CLMN: variants seen among roughly 807,000 people sequenced by gnomAD.
The protein encoded by CLMN is calmin, also known as calmin (calponin-like, transmembrane).
Under a neutral mutation model 92.7 loss-of-function variants are expected in CLMN, and 57 were observed. The ratio of observed to expected loss-of-function variants is 0.61; its 90% CI spans 0.50 to 0.77. CLMN has a LOEUF of 0.77. Ranked by LOEUF, CLMN falls within the 30% of genes least tolerant of loss-of-function variation. The probability of loss-of-function intolerance (pLI) is 0.00; values close to 1 mark genes in which losing one functional copy is unlikely to be tolerated. For missense variants in CLMN, 1,158 were observed against 1,237.5 expected, an observed-to-expected ratio of 0.94 and a Z score of 0.96; for synonymous variants, 466 against 470.6, an observed-to-expected ratio of 0.99 and a Z score of 0.13.
rs574317845 is a variant in CLMN at position 95,216,928 on chromosome 14, C to T, written c.325-1195G>A. ...CCAGAAATCTGTATTTTAGTAAGTG[C>T]GCCAGGTGATTCCAGTGCATGCTCG... On this transcript the variant is annotated intron_variant, in intron 4 of 12. Coordinates refer to ENST00000298912, the MANE Select transcript of CLMN (RefSeq NM_024734.4). Among the ~76,000 whole-genome samples, 7 of 152,250 alleles carry T rather than the reference C, an allele frequency of 4.6e-5. No individual in the cohort carries two copies. In the East Asian group the frequency reaches 5.8e-4, roughly 13 times the overall value.
In CLMN at chr14:95,256,158, G is replaced by A. The variant is rs1057049286; in HGVS notation, c.83-26025C>T. Among the ~76,000 whole-genome samples, 1 of 152,142 alleles carries A rather than the reference G, an allele frequency of 6.6e-6. No homozygotes were observed. The highest frequency in any genetic ancestry group is 2.4e-5 in the African/African-American group (1 of 41,410). ...GGGCTACAGGGTAGTTACATGGGTG[G>A]GCATATGGGGTACAATGCCCCCACA... On this transcript the variant is annotated intron_variant, in intron 1 of 12. Transcript: ENST00000298912. The surrounding 1 kb of genome is among the most constrained non-coding windows in gnomAD (Gnocchi z 4.9).
At chr14:95,267,722 C>T (rs549710554) in intron 1 of CLMN, among the ~76,000 whole-genome samples, 2 of 152,202 alleles carry the variant, frequency 1.3e-5, no homozygotes, top group Non-Finnish European at 2.9e-5. Flanking sequence ...TCTACACTCT[C>T]ATATTTATTT....
chr14:95,266,417 T>C (rs8012168), intron 1 of CLMN, among the ~76,000 whole-genome samples: 19,251 of 151,928 alleles, frequency 0.13, 1,750 homozygotes, highest in African/African-American at 0.25. Flanking sequence ...GCAAACAATC[T>C]GAAAAAGAAA....
At chr14:95,204,518 A>C (rs906226603) in intron 8 of CLMN, 55 bp from the exon 9 acceptor site, 47 of 1,448,734 alleles carry the variant, frequency 3.2e-5, no homozygotes, top group Middle Eastern at 3.8e-4. Context: ...ACAACAACAA[A>C]AAAAAGCACA....
Position 95,189,866 on chromosome 14 carries a change from A to G in CLMN, c.*1698T>C, listed in dbSNP as rs186307199. 4 of 152,318 alleles carry G rather than the reference A, an allele frequency of 2.6e-5. No individual in the cohort carries two copies. Among genetic ancestry groups the G allele is most frequent in the African/African-American group, 7.2e-5 (3 of 41,574 alleles). The allele number at this position is 152,318 out of a possible 1,614,324, so 9.4% of individuals were successfully genotyped here. ...CTGAAATTCTTTCAGGAGGGGAGACAGACTATAATCAGACTGGTTTAGAGG... is the reference window on the plus strand; with the variant it reads ...CTGAAATTCTTTCAGGAGGGGAGACGGACTATAATCAGACTGGTTTAGAGG... On this transcript the variant is annotated 3_prime_UTR_variant, in exon 13 of 13. Coordinates refer to ENST00000298912, the MANE Select transcript of CLMN (RefSeq NM_024734.4).
intron 2 of CLMN, 28 bp from the exon 3 acceptor site, chr14:95,223,883 C>T: frequency 2.7e-6 from 4 of 1,485,524 alleles, no homozygotes; most frequent in Non-Finnish European, 3.7e-6. Flanking sequence ...AGAAAGTAGC[C>T]AATTAGCAAC....
At position 95,280,211 on chromosome 14, in the gene CLMN, T is replaced by C. The variant is rs572312986; in HGVS notation, c.82+39500A>G. 1.6e-4 allele frequency among the ~76,000 whole-genome samples: 24 copies of C among 152,316 alleles called. No homozygotes were observed. In the South Asian group the frequency reaches 2.7e-3, roughly 17 times the overall value. ...TTGGTCTGTGCTTTAACAAAAAAATTCTAAAGGGTTATAAACAGTTTTGAA... is the reference window on the plus strand; with the variant it reads ...TTGGTCTGTGCTTTAACAAAAAAATCCTAAAGGGTTATAAACAGTTTTGAA... On this transcript the variant is annotated intron_variant, in intron 1 of 12. Coordinates refer to ENST00000298912, the MANE Select transcript of CLMN (RefSeq NM_024734.4).
chr14:95,271,111 T>A (rs767155225), intron 1 of CLMN, among the ~76,000 whole-genome samples: 1 of 152,242 alleles, frequency 6.6e-6, no homozygotes, highest in Non-Finnish European at 1.5e-5. Context: ...GTATCTTCTA[T>A]GAAGAAATAT....
At chr14:95,265,285 C>T (rs2140709620) in intron 1 of CLMN, among the ~76,000 whole-genome samples, 1 of 152,114 alleles carries the variant, frequency 6.6e-6, no homozygotes, top group African/African-American at 2.4e-5. Context: ...AGCAGACGGC[C>T]CTCCATCAAA....
chr14:95,235,434 G>T (rs1001590237), intron 1 of CLMN, among the ~76,000 whole-genome samples: 1 of 152,182 alleles, frequency 6.6e-6, no homozygotes, highest in African/African-American at 2.4e-5. Flanking sequence ...GAATGACAAT[G>T]AGCACCTCAG....
At chr14:95,244,383 C>G (rs1313227466) in intron 1 of CLMN, among the ~76,000 whole-genome samples, 1 of 152,192 alleles carries the variant, frequency 6.6e-6, no homozygotes, top group African/African-American at 2.4e-5. Flanking sequence ...CTGTCACCCT[C>G]ACACTCCCAA....
At chr14:95,222,611 G>T (rs1897581876) in intron 3 of CLMN, 1 of 455,928 alleles carries the variant, frequency 2.2e-6, no homozygotes, top group Admixed American at 2.3e-5. Flanking sequence ...TGGCAATAAA[G>T]TGGGGAGCCT....
intron 1 of CLMN, among the ~76,000 whole-genome samples, chr14:95,245,234 TATATTATATATA>T (rs1898475245): frequency 2.9e-5 from 1 of 34,704 alleles, no homozygotes; most frequent in African/African-American, 1.8e-4. Flanking sequence ...ATTATATATA[TATATTATATATA>T]TATATATAAT....
chr14:95,239,693 A>G (rs1339903820), intron 1 of CLMN, among the ~76,000 whole-genome samples: 1 of 152,246 alleles, frequency 6.6e-6, no homozygotes, highest in Non-Finnish European at 1.5e-5. Context: ...ATCATTTATG[A>G]TCAGTAAATG....
At chr14:95,253,471 A>ATTTTATACG (rs1309303363) in intron 1 of CLMN, among the ~76,000 whole-genome samples, 1 of 152,088 alleles carries the variant, frequency 6.6e-6, no homozygotes, top group African/African-American at 2.4e-5. Context: ...AGGAAATGAC[A>ATTTTATACG]TCTTTAGCAT....
intron 1 of CLMN, among the ~76,000 whole-genome samples, chr14:95,243,559 T>TA (rs1441022619): frequency 6.6e-6 from 1 of 152,098 alleles, no homozygotes; most frequent in Non-Finnish European, 1.5e-5. Context: ...TAACCCCTAC[T>TA]AAAATTTTTC....
chr14:95,315,713 G>C (rs939479202), intron 1 of CLMN, among the ~76,000 whole-genome samples: 1 of 152,206 alleles, frequency 6.6e-6, no homozygotes, highest in African/African-American at 2.4e-5. Flanking sequence ...CAGAATTACA[G>C]CATCAAACGC....
chr14:95,294,375 C>T lies in CLMN; in HGVS notation c.82+25336G>A, dbSNP rs1157911529. On this transcript the variant is annotated intron_variant, in intron 1 of 12. Transcript: ENST00000298912. This position sits in a 1 kb window ranked among gnomAD's most constrained non-coding sequence, Gnocchi z 4.2. ...TTTCAGGACACAATCTCTTAGGGCA[C>T]CTCTGGAAGGAGAAGGGCTGGGGGC... is the stretch of plus-strand genomic sequence containing the variant. Among the ~76,000 whole-genome samples the T allele has an allele frequency of 6.6e-6, 1 of 152,192 alleles. No homozygotes were observed. Among genetic ancestry groups the T allele is most frequent in the Non-Finnish European group, 1.5e-5 (1 of 68,038 alleles).
At chr14:95,258,207 TGTG>T (rs1364055167) in intron 1 of CLMN, among the ~76,000 whole-genome samples, 2 of 151,800 alleles carry the variant, frequency 1.3e-5, no homozygotes, top group African/African-American at 4.8e-5. Context: ...GTGCATATGA[TGTG>T]GTGTGTGTGG....
Sources: gnomAD v4.1 joint callset for allele counts (sites outside exome capture counted in the v4.1 genomes callset) on GRCh38, gnomAD v4.1.1 for gene constraint, Gnocchi (gnomAD v3.1) non-coding constraint, MANE v1.5 for transcripts, NCBI Gene and HGNC (gene_info 2026-07-23, HGNC 2026-07-21) for gene names.